Variants in RABGAP1L observed in about 807,000 individuals in gnomAD.
RABGAP1L encodes RAB GTPase activating protein 1 like.
Under a neutral mutation model 137.7 loss-of-function variants are expected in RABGAP1L, and 63 were observed. The ratio of observed to expected loss-of-function variants is 0.46; its 90% CI spans 0.37 to 0.56. RABGAP1L has a LOEUF of 0.56. RABGAP1L is among the 20% of genes least tolerant of loss of function. The pLI is 0.00. For synonymous variants in RABGAP1L, 431 were observed against 433.7 expected, an observed-to-expected ratio of 0.99 and a Z score of 0.08; for missense variants, 1,095 against 1,244.0, an observed-to-expected ratio of 0.88 and a Z score of 1.80.
At chr1:174,186,059 G>A (rs1032428883) in intron 1 of RABGAP1L, among the ~76,000 whole-genome samples, 3 of 151,314 alleles carry the variant, frequency 2.0e-5, no homozygotes, top group South Asian at 2.1e-4. Flanking sequence ...CAGGAGAATC[G>A]CTTGAACCCG....
chr1:174,668,884 T>C (rs769898165), intron 14 of RABGAP1L, among the ~76,000 whole-genome samples: 2 of 152,198 alleles, frequency 1.3e-5, no homozygotes, highest in Non-Finnish European at 1.5e-5. Flanking sequence ...CATATTCCTG[T>C]TGGCCATTTG....
chr1:174,503,466 C>G (rs1661514828), intron 13 of RABGAP1L, among the ~76,000 whole-genome samples: 1 of 152,000 alleles, frequency 6.6e-6, no homozygotes, highest in Non-Finnish European at 1.5e-5. Flanking sequence ...TCAAGACCAT[C>G]TTGGCTAACA....
At chr1:174,430,930 A>C (rs1411335935) in intron 13 of RABGAP1L, among the ~76,000 whole-genome samples, 2 of 152,208 alleles carry the variant, frequency 1.3e-5, no homozygotes, top group Non-Finnish European at 2.9e-5. Context: ...CCAAGGTTTG[A>C]TCATTCTATA....
At chr1:174,674,220 T>C (rs1488502531) in intron 14 of RABGAP1L, among the ~76,000 whole-genome samples, 6 of 151,328 alleles carry the variant, frequency 4.0e-5, no homozygotes, top group African/African-American at 1.5e-4. Flanking sequence ...GTGTATCTCC[T>C]AATGCTATCC....
intron 13 of RABGAP1L, among the ~76,000 whole-genome samples, chr1:174,462,476 G>A (rs1450624965): frequency 6.6e-6 from 1 of 151,776 alleles, no homozygotes; most frequent in Non-Finnish European, 1.5e-5. Context: ...TGAAACCTTT[G>A]TTCCATTTCT....
At chr1:174,786,396 A>G (rs1687449478) in intron 18 of RABGAP1L, among the ~76,000 whole-genome samples, 1 of 152,212 alleles carries the variant, frequency 6.6e-6, no homozygotes. Context: ...TCTTTGTGAA[A>G]TGAAAAATAT....
intron 13 of RABGAP1L, among the ~76,000 whole-genome samples, chr1:174,520,815 A>G (rs908232912): frequency 1.3e-5 from 2 of 152,070 alleles, no homozygotes; most frequent in African/African-American, 4.8e-5. Flanking sequence ...AGGCTGGCCA[A>G]CATGGTGAAA....
rs982093520 is a variant in RABGAP1L, at chr1:174,992,551, T to TA, written c.*2551dup. ...GGGCAATACATATTTTTTTTTTTTTTATTCTCCAGCCCCATATCATACTTG... is the reference window on the plus strand; with the variant it reads ...GGGCAATACATATTTTTTTTTTTTTTAATTCTCCAGCCCCATATCATACTTG... On this transcript the variant is annotated 3_prime_UTR_variant, in exon 26 of 26. Coordinates refer to ENST00000681986, the MANE Select transcript of RABGAP1L (RefSeq NM_001366446.1). 1 of 151,848 alleles carries TA rather than the reference T, an allele frequency of 6.6e-6. No individual in the cohort carries two copies. The highest frequency in any genetic ancestry group is 1.5e-5 in the Non-Finnish European group (1 of 67,944). The allele number at this position is 151,848 out of a possible 1,614,324, so 9.4% of individuals were successfully genotyped here.
chr1:174,618,854 G>A lies in RABGAP1L; in HGVS notation c.1711-18521G>A, dbSNP rs374744469. Among the ~76,000 whole-genome samples, 5 of 152,280 alleles carry A rather than the reference G, an allele frequency of 3.3e-5. No individual in the cohort carries two copies. The East Asian group carries it at 9.6e-4, about 29-fold the overall frequency. On this transcript the variant is annotated intron_variant, in intron 13 of 25. Coordinates refer to ENST00000681986, the MANE Select transcript of RABGAP1L (RefSeq NM_001366446.1). ...ATCAAGCTACTCCAAGCTACAGGAC[G>A]AAATTCAAACCAAAGGCAAAGAAGT...
intron 14 of RABGAP1L, among the ~76,000 whole-genome samples, chr1:174,641,141 T>G (rs1294203201): frequency 6.6e-6 from 1 of 151,800 alleles, no homozygotes; most frequent in African/African-American, 2.4e-5. Flanking sequence ...GAGCAGAAAT[T>G]AAGAGAATTT....
chr1:174,491,952 G>A (rs921641953), intron 13 of RABGAP1L, among the ~76,000 whole-genome samples: 3 of 152,138 alleles, frequency 2.0e-5, no homozygotes, highest in African/African-American at 7.2e-5. Context: ...CACTGCTGGG[G>A]GATGAGGGAA....
chr1:174,889,453 C>CT (rs1446513147), intron 19 of RABGAP1L, among the ~76,000 whole-genome samples: 8 of 152,124 alleles, frequency 5.3e-5, no homozygotes, highest in Non-Finnish European at 1.2e-4. Flanking sequence ...CAGGTTCTCT[C>CT]TCTGTTACCC....
At chr1:174,607,951 A>T (rs1279136355) in intron 13 of RABGAP1L, among the ~76,000 whole-genome samples, 1 of 152,214 alleles carries the variant, frequency 6.6e-6, no homozygotes, top group African/African-American at 2.4e-5. Flanking sequence ...CGAAAGTGTG[A>T]TTTTGAACAA....
intron 11 of RABGAP1L, among the ~76,000 whole-genome samples, chr1:174,370,216 T>C (rs1684991420): frequency 6.6e-6 from 1 of 152,186 alleles, no homozygotes; most frequent in South Asian, 2.1e-4. Flanking sequence ...AGCCTTTTCT[T>C]ATGTAGTACT....
intron 13 of RABGAP1L, among the ~76,000 whole-genome samples, chr1:174,440,810 G>A (rs1260132851): frequency 6.6e-6 from 1 of 151,900 alleles, no homozygotes; most frequent in Non-Finnish European, 1.5e-5. Flanking sequence ...TGCCCGCCTG[G>A]GCCTTCCAAA....
intron 13 of RABGAP1L, among the ~76,000 whole-genome samples, chr1:174,574,007 C>T (rs1668183038): frequency 6.6e-6 from 1 of 152,170 alleles, no homozygotes; most frequent in South Asian, 2.1e-4. Flanking sequence ...CTCTGAGCAG[C>T]CAGCCTTCAG....
chr1:174,721,098 G>T (rs1681496160), intron 17 of RABGAP1L, among the ~76,000 whole-genome samples: 1 of 152,128 alleles, frequency 6.6e-6, no homozygotes, highest in African/African-American at 2.4e-5. Context: ...TTTAACAGTT[G>T]TGTATACTTG....
At chr1:174,550,923 T>TACACATATATATATACAC (rs1666425708) in intron 13 of RABGAP1L, among the ~76,000 whole-genome samples, 1 of 53,262 alleles carries the variant, frequency 1.9e-5, no homozygotes, top group Non-Finnish European at 3.1e-5. Context: ...CACACACACA[T>TACACATATATATATACAC]ATATATATAC....
At chr1:174,610,955 GCCCTT>G (rs1358879507) in intron 13 of RABGAP1L, among the ~76,000 whole-genome samples, 1 of 151,212 alleles carries the variant, frequency 6.6e-6, no homozygotes, top group African/African-American at 2.4e-5. Flanking sequence ...CTGGATATTA[GCCCTT>G]TGTCAGATGA....
Sources: allele counts gnomAD v4.1 joint callset (sites outside exome capture counted in the v4.1 genomes callset), GRCh38; gene constraint gnomAD v4.1.1; transcripts MANE v1.5; gene names NCBI Gene and HGNC (gene_info 2026-07-23, HGNC 2026-07-21).